Variants in ZDHHC18 observed in about 807,000 individuals in gnomAD.
ZDHHC18 encodes the protein zDHHC palmitoyltransferase 18.
Under a neutral mutation model 37.5 loss-of-function variants are expected in ZDHHC18, and 23 were observed. The ratio of observed to expected loss-of-function variants is 0.61; its 90% confidence interval spans 0.44 to 0.87. The LOEUF (loss-of-function observed/expected upper bound fraction) is 0.87. ZDHHC18 is among the 40% of genes least tolerant of loss of function. ZDHHC18 has a pLI of 0.00. For missense variants in ZDHHC18, 406 were observed against 525.6 expected (o/e 0.77, Z 2.22); for synonymous variants, 185 against 218.7 (o/e 0.85, Z 1.36).
chr1:26,849,676 C>G (rs2081691711), intron 3 of ZDHHC18, among the ~76,000 whole-genome samples: 1 of 152,252 alleles, frequency 6.6e-6, no homozygotes, highest in Non-Finnish European at 1.5e-5. Context: ...CAGGTGAGCT[C>G]AGCCCTTTGA....
intron 2 of ZDHHC18, among the ~76,000 whole-genome samples, chr1:26,837,370 C>T (rs993955257): frequency 4.1e-4 from 60 of 146,024 alleles, no homozygotes; most frequent in Non-Finnish European, 7.8e-4. Flanking sequence ...GTATAATATA[C>T]ATTTTACATC....
Position 26,850,207 on chromosome 1 carries a change from G to A in ZDHHC18, c.647-94G>A, listed in dbSNP as rs572413302. ...CAGCTGGTGCTGCGAGAGTGAACGG[G>A]GTAGGAAAGCCCCAGCCATGGGTGA... On this transcript the variant is annotated intron_variant, in intron 3 of 7. Coordinates refer to ENST00000374142, the MANE Select transcript of ZDHHC18 (RefSeq NM_032283.3). This position sits in a 1 kb window ranked among gnomAD's most constrained non-coding sequence, Gnocchi z 6.1. 1.1e-5 allele frequency: 17 copies of A among 1,496,420 alleles called. No individual in the cohort carries two copies. The Admixed American group carries it at 1.6e-4, about 14-fold the overall frequency. 92.7% of individuals were successfully genotyped at this position (1,496,420 alleles called of 1,614,324 possible). A position where few individuals can be genotyped will look rare whatever the true frequency, so the allele number is the denominator to read the frequency against.
chr1:26,843,137 CTTTTTTTTTTT>C (rs1336807710), intron 2 of ZDHHC18, among the ~76,000 whole-genome samples: 1 of 141,980 alleles, frequency 7.0e-6, no homozygotes, highest in African/African-American at 2.6e-5. Flanking sequence ...TTCTTTCTTT[CTTTTTTTTTTT>C]TTTCTTTTTT....
rs1475680224 is a variant in ZDHHC18 at position 26,856,155 on chromosome 1, A to G, written c.*2312A>G. ...AGGGCCCAGCCAGACAACTCATAAC[A>G]CTGGCCCACCTCTCTGGTATCTCCC... On this transcript the variant is annotated 3_prime_UTR_variant, in exon 8 of 8. Coordinates refer to ENST00000374142, the MANE Select transcript of ZDHHC18 (RefSeq NM_032283.3). The surrounding 1 kb of genome is among the most constrained non-coding windows in gnomAD (Gnocchi z 5.2). 2.2e-6 allele frequency: 1 copy of G among 449,702 alleles called. No homozygotes were observed. The allele number at this position is 449,702 out of a possible 1,614,324, so 27.9% of individuals were successfully genotyped here.
intron 2 of ZDHHC18, among the ~76,000 whole-genome samples, 189 bp from the exon 3 acceptor site, chr1:26,848,419 T>C (rs1236169441): frequency 6.6e-6 from 1 of 152,084 alleles, no homozygotes; most frequent in Non-Finnish European, 1.5e-5. Flanking sequence ...GCAGTCTCAG[T>C]ACATGGTGGC....
intron 2 of ZDHHC18, among the ~76,000 whole-genome samples, chr1:26,835,899 A>G (rs1036860474): frequency 2.0e-5 from 3 of 152,006 alleles, no homozygotes; most frequent in African/African-American, 7.3e-5. Context: ...CTCCAGCCCA[A>G]CAGGTCTGGC....
chr1:26,851,926 C>T (rs971992119), intron 6 of ZDHHC18, among the ~76,000 whole-genome samples: 2 of 152,250 alleles, frequency 1.3e-5, no homozygotes, highest in Admixed American at 1.3e-4. Flanking sequence ...CTGACTTCTC[C>T]TCCCCATCCT....
chr1:26,852,870 G>A lies in ZDHHC18; in HGVS notation c.1049+5G>A, dbSNP rs2081713368. ...CTGTGGCCCCCTACCTCCCAGGTAA[G>A]TGAGCGGGGTGCGGAAGAGGGGTAA... On this transcript the variant is annotated splice_donor_5th_base_variant and intron_variant, in intron 7 of 7. Coordinates refer to ENST00000374142, the MANE Select transcript of ZDHHC18 (RefSeq NM_032283.3). 2 of 1,613,600 alleles carry A rather than the reference G, an allele frequency of 1.2e-6. No homozygotes were observed. Among genetic ancestry groups the A allele is most frequent in the Non-Finnish European group, 1.7e-6 (2 of 1,179,636 alleles).
rs191326773 is a variant in ZDHHC18 at position 26,850,522 on chromosome 1, C to T, written c.785-36C>T. ...CAGCAAGCTTCAGCAGTCACTGTCC[C>T]TCTGAGCTTGTCCTCTCCTGTTTCT... is the stretch of plus-strand genomic sequence containing the variant. On this transcript the variant is annotated intron_variant, in intron 4 of 7. Coordinates refer to ENST00000374142, the MANE Select transcript of ZDHHC18 (RefSeq NM_032283.3). The surrounding 1 kb of genome is among the most constrained non-coding windows in gnomAD (Gnocchi z 6.1). 6.2e-7 allele frequency: 1 copy of T among 1,614,242 alleles called. No individual in the cohort carries two copies. The highest frequency in any genetic ancestry group is 2.2e-5 in the East Asian group (1 of 44,884).
intron 2 of ZDHHC18, among the ~76,000 whole-genome samples, chr1:26,841,878 G>A (rs991770242): frequency 6.6e-6 from 1 of 152,116 alleles, no homozygotes; most frequent in African/African-American, 2.4e-5. Context: ...GCTCACGCCT[G>A]TAATCCCAGC....
Position 26,850,369 on chromosome 1 carries a change from G to A in ZDHHC18, c.715G>A (p.Ala239Thr), listed in dbSNP as rs377621344. The change falls in exon 4 of 8, where the codon GCG becomes ACG. Residue 239 changes from alanine (A) to threonine (T), a missense_variant. Coordinates refer to ENST00000374142, the MANE Select transcript of ZDHHC18 (RefSeq NM_032283.3). The surrounding 1 kb of genome is among the most constrained non-coding windows in gnomAD (Gnocchi z 6.1). ...GAGACGGAACTATCGCTTCTTCTAC[G>A]CGTTTATTCTCTCCCTCTCATTCCT... ...VGRRNYRFFY[A>T]FILSLSFLTA... The A allele has an allele frequency of 6.6e-5, 106 of 1,614,094 alleles. 1 individual carries two copies. The highest frequency in any genetic ancestry group is 8.9e-5 in the East Asian group (4 of 44,894).
At chr1:26,834,265 C>T (rs747419239) in intron 2 of ZDHHC18, among the ~76,000 whole-genome samples, 2 of 152,206 alleles carry the variant, frequency 1.3e-5, no homozygotes, top group Non-Finnish European at 2.9e-5. Context: ...AAGAGCTTGG[C>T]CGTGTGCTGA....
rs959763460 is a variant in ZDHHC18 at position 26,852,780 on chromosome 1, G to A, written c.964G>A (p.Gly322Ser). The change falls in exon 7 of 8, where the codon GGC becomes AGC. Residue 322 changes from glycine (G) to serine (S), a missense_variant. Physicochemically the swap from Gly to Ser is moderately conservative, Grantham distance 56 (BLOSUM62 0). Coordinates refer to ENST00000374142, the MANE Select transcript of ZDHHC18 (RefSeq NM_032283.3). Reference sequence around the variant, plus strand: ...CAAAGGCTCGTGGTCCAGCAAGAGGGGCGGTGAGGCCTCTGTCAACCCCTA... The same window carrying A: ...CAAAGGCTCGTGGTCCAGCAAGAGGAGCGGTGAGGCCTCTGTCAACCCCTA... ...DIKGSWSSKR[G>S]GEASVNPYSH... 6.2e-7 allele frequency: 1 copy of A among 1,613,976 alleles called. No homozygotes were observed. Among genetic ancestry groups the A allele is most frequent in the African/African-American group, 1.3e-5 (1 of 74,914 alleles).
In ZDHHC18 at chr1:26,850,165, G is replaced by A; in HGVS notation, c.647-136G>A. 4.5e-6 allele frequency: 5 copies of A among 1,113,576 alleles called. No individual in the cohort carries two copies. Among genetic ancestry groups the A allele is most frequent in the Admixed American group, 2.4e-5 (1 of 42,268 alleles). 69.0% of individuals were successfully genotyped at this position (1,113,576 alleles called of 1,614,324 possible). On this transcript the variant is annotated intron_variant, in intron 3 of 7. Coordinates refer to ENST00000374142, the MANE Select transcript of ZDHHC18 (RefSeq NM_032283.3). This position sits in a 1 kb window ranked among gnomAD's most constrained non-coding sequence, Gnocchi z 6.1. Reference sequence around the variant, plus strand: ...TACACAAAGGACCAGAGGCAGGTGTGTCCAAGGCCTGGGAGCCAGCTGGTG... The same window carrying A: ...TACACAAAGGACCAGAGGCAGGTGTATCCAAGGCCTGGGAGCCAGCTGGTG...
At chr1:26,851,032 C>G in intron 5 of ZDHHC18, 97 bp from the exon 6 acceptor site, 1 of 1,215,056 alleles carries the variant, frequency 8.2e-7, no homozygotes. Context: ...TCTCAGCTCT[C>G]TGGGGAAACA....
At position 26,826,695 on chromosome 1, in the gene ZDHHC18, G is replaced by T; in HGVS notation, c.-110G>T. The T allele has an allele frequency of 2.5e-6, 1 of 394,062 alleles. No homozygotes were observed. Among genetic ancestry groups the T allele is most frequent in the South Asian group, 9.8e-5 (1 of 10,250 alleles). 24.4% of individuals were successfully genotyped at this position (394,062 alleles called of 1,614,324 possible). A position where few individuals can be genotyped will look rare whatever the true frequency, so the allele number is the denominator to read the frequency against. On this transcript the variant is annotated 5_prime_UTR_variant, in exon 1 of 8. Coordinates refer to ENST00000374142, the MANE Select transcript of ZDHHC18 (RefSeq NM_032283.3). This position sits in a 1 kb window ranked among gnomAD's most constrained non-coding sequence, Gnocchi z 5.2. ...CGATGGCGGGGCCGCCCCAGTGAGT[G>T]AGCGAGCGAGCGCCGCGCGCGCCGC...
At position 26,853,897 on chromosome 1, in the gene ZDHHC18, GCCGGGACCCTC is replaced by G. The variant is rs1419278548; in HGVS notation, c.*57_*67del. The G allele has an allele frequency of 6.7e-7, 1 of 1,486,746 alleles. No individual in the cohort carries two copies. Among genetic ancestry groups the G allele is most frequent in the Non-Finnish European group, 9.3e-7 (1 of 1,071,186 alleles). 92.1% of individuals were successfully genotyped at this position (1,486,746 alleles called of 1,614,324 possible). A position where few individuals can be genotyped will look rare whatever the true frequency, so the allele number is the denominator to read the frequency against. ...CCTGTCTGACCCTCCGCACTCACCT[GCCGGGACCCTC>G]CCTATTCCATCCAAGGGAAGCAGAA... is the stretch of plus-strand genomic sequence containing the variant. On this transcript the variant is annotated 3_prime_UTR_variant, in exon 8 of 8. Coordinates refer to ENST00000374142, the MANE Select transcript of ZDHHC18 (RefSeq NM_032283.3).
At chr1:26,837,421 T>A (rs1006778463) in intron 2 of ZDHHC18, among the ~76,000 whole-genome samples, 53 of 147,940 alleles carry the variant, frequency 3.6e-4, no homozygotes, top group African/African-American at 1.2e-3. Context: ...ATATATTTAA[T>A]ATGTATAATA....
Position 26,832,107 on chromosome 1 carries a change from A to G in ZDHHC18, c.336-340A>G, listed in dbSNP as rs952237911. The G allele has an allele frequency of 1.4e-4, 34 of 236,836 alleles. No homozygotes were observed. The Middle Eastern group carries it at 4.1e-3, about 28-fold the overall frequency. 14.7% of individuals were successfully genotyped at this position (236,836 alleles called of 1,614,324 possible). On this transcript the variant is annotated intron_variant, in intron 1 of 7. Coordinates refer to ENST00000374142, the MANE Select transcript of ZDHHC18 (RefSeq NM_032283.3). ...TGAATGAGTGAATGAACACTGCAGG[A>G]TGGTTTGTCTCAGGTGACAGTCCAC...
Sources: gnomAD v4.1 joint callset for allele counts (sites outside exome capture counted in the v4.1 genomes callset) on GRCh38, gnomAD v4.1.1 for gene constraint, Gnocchi (gnomAD v3.1) non-coding constraint, MANE v1.5 for transcripts, NCBI Gene and HGNC (gene_info 2026-07-23, HGNC 2026-07-21) for gene names.